GRID1: variants seen among roughly 807,000 people sequenced by gnomAD.
GRID1 encodes the protein glutamate ionotropic receptor delta type subunit 1.
GRID1 carries 28 observed loss-of-function variants against 98.0 expected under a neutral mutation model. The observed-to-expected ratio is 0.29, with a 90% confidence interval of 0.21 to 0.39. The LOEUF is 0.39. Among genes scored for constraint, GRID1 ranks in the 10% least tolerant of loss-of-function variants. The pLI is 1.00. For synonymous variants in GRID1, 553 were observed against 538.5 expected, an observed-to-expected ratio of 1.03 and a Z score of -0.37; for missense variants, 1,111 against 1,340.5, an observed-to-expected ratio of 0.83 and a Z score of 2.67.
At chr10:86,341,688 G>A (rs1202082332) in intron 2 of GRID1, among the ~76,000 whole-genome samples, 1 of 152,174 alleles carries the variant, frequency 6.6e-6, no homozygotes, top group African/African-American at 2.4e-5. Context: ...TTACATCTGC[G>A]GAGTTGGTGC....
chr10:85,955,262 C>A (rs2153829), intron 4 of GRID1, among the ~76,000 whole-genome samples: 5 of 152,040 alleles, frequency 3.3e-5, no homozygotes, highest in Non-Finnish European at 7.4e-5. Context: ...GAGTCCCAGC[C>A]CTTAGGGTCA....
chr10:86,239,692 G>T (rs1846596988), intron 2 of GRID1, among the ~76,000 whole-genome samples: 1 of 152,142 alleles, frequency 6.6e-6, no homozygotes, highest in Non-Finnish European at 1.5e-5. Flanking sequence ...ACCTGCTCTT[G>T]CTCTCTTCTC....
At chr10:85,755,231 A>T (rs1842085450) in intron 8 of GRID1, among the ~76,000 whole-genome samples, 2 of 152,210 alleles carry the variant, frequency 1.3e-5, no homozygotes, top group African/African-American at 4.8e-5. Context: ...AACCACCCCC[A>T]AACCTAATGG....
At chr10:86,302,919 G>T (rs1847710159) in intron 2 of GRID1, among the ~76,000 whole-genome samples, 1 of 152,222 alleles carries the variant, frequency 6.6e-6, no homozygotes, top group Non-Finnish European at 1.5e-5. Flanking sequence ...ATCTCCAGGT[G>T]ATCTGTGTGC....
chr10:86,252,524 G>A (rs1455467226), intron 2 of GRID1, among the ~76,000 whole-genome samples: 1 of 152,188 alleles, frequency 6.6e-6, no homozygotes, highest in Non-Finnish European at 1.5e-5. Flanking sequence ...AAATAAATAC[G>A]TGGTTTGACA....
chr10:86,202,418 C>G (rs1845967352), intron 3 of GRID1, among the ~76,000 whole-genome samples: 1 of 152,166 alleles, frequency 6.6e-6, no homozygotes, highest in Non-Finnish European at 1.5e-5. Flanking sequence ...GCTACTAGCA[C>G]CCCCCTCCCA....
intron 2 of GRID1, among the ~76,000 whole-genome samples, chr10:86,298,402 C>T (rs61856586): frequency 0.066 from 10,059 of 152,212 alleles, 600 homozygotes; most frequent in African/African-American, 0.16. Flanking sequence ...AATGTAATAG[C>T]ATTTTTGTGT....
At chr10:85,612,892 C>G (rs1842749543) in intron 15 of GRID1, 1 of 152,858 alleles carries the variant, frequency 6.5e-6, no homozygotes, top group Admixed American at 6.5e-5. Flanking sequence ...GCTGGGTGCA[C>G]CCAGGAGGGA....
intron 4 of GRID1, among the ~76,000 whole-genome samples, chr10:86,104,170 G>A (rs144754501): frequency 0.012 from 1,821 of 152,250 alleles, 38 homozygotes; most frequent in African/African-American, 0.042. Context: ...GGAGACATAC[G>A]GACCAGGGTT....
chr10:85,788,901 G>T (rs373288588), intron 8 of GRID1, among the ~76,000 whole-genome samples: 1 of 152,204 alleles, frequency 6.6e-6, no homozygotes, highest in East Asian at 1.9e-4. Flanking sequence ...AGAACTCGGG[G>T]TCAGTGGGAG....
intron 8 of GRID1, among the ~76,000 whole-genome samples, chr10:85,802,193 A>C (rs1051393007): frequency 6.6e-6 from 1 of 152,160 alleles, no homozygotes; most frequent in African/African-American, 2.4e-5. Flanking sequence ...CAGCCAAAGA[A>C]ATGCTAATCA....
chr10:86,123,119 C>T (rs1054785101), intron 4 of GRID1, among the ~76,000 whole-genome samples: 6 of 152,312 alleles, frequency 3.9e-5, no homozygotes, highest in South Asian at 4.1e-4. Flanking sequence ...CTGACTACTC[C>T]GCCCCAACAC....
At chr10:85,678,613 C>G (rs1590186528) in intron 12 of GRID1, among the ~76,000 whole-genome samples, 2 of 152,148 alleles carry the variant, frequency 1.3e-5, no homozygotes, top group African/African-American at 4.8e-5. Context: ...TTCATTTTCT[C>G]TAGTCTCCTT....
intron 4 of GRID1, among the ~76,000 whole-genome samples, chr10:85,977,446 C>T (rs1226870923): frequency 6.6e-6 from 1 of 152,186 alleles, no homozygotes; most frequent in East Asian, 1.9e-4. Flanking sequence ...AATACCATGC[C>T]AGCCACACAA....
At position 85,850,323 on chromosome 10, in the gene GRID1, G is replaced by C. The variant is rs548875433; in HGVS notation, c.1233+4173C>G. ...TAGTGCTCCTATCCAGGCAAGTCAT[G>C]CTTGTGGAGGAAAAAAAAGACAACC... On this transcript the variant is annotated intron_variant, in intron 8 of 15. Coordinates refer to ENST00000327946, the MANE Select transcript of GRID1 (RefSeq NM_017551.3). 1.3e-4 allele frequency among the ~76,000 whole-genome samples: 20 copies of C among 152,312 alleles called. No homozygotes were observed. In the South Asian group the frequency reaches 3.9e-3, roughly 30 times the overall value.
intron 2 of GRID1, among the ~76,000 whole-genome samples, chr10:86,239,760 C>T (rs543807514): frequency 2.6e-5 from 4 of 152,192 alleles, no homozygotes; most frequent in Non-Finnish European, 5.9e-5. Context: ...CACGATTGTA[C>T]GTTTTCAGAG....
chr10:86,150,571 C>T lies in GRID1; in HGVS notation c.521-11547G>A, dbSNP rs1845150608. ...CTGATGCCTTTGGATTTTGTTAATG[C>T]CACAGCCAGATGACATCTCTCCATG... On this transcript the variant is annotated intron_variant, in intron 3 of 15. Coordinates refer to ENST00000327946, the MANE Select transcript of GRID1 (RefSeq NM_017551.3). 2.6e-5 allele frequency among the ~76,000 whole-genome samples: 4 copies of T among 152,182 alleles called. No homozygotes were observed. In the South Asian group the frequency reaches 8.3e-4, roughly 32 times the overall value.
At chr10:86,172,730 G>A (rs1000070675) in intron 3 of GRID1, among the ~76,000 whole-genome samples, 5 of 151,954 alleles carry the variant, frequency 3.3e-5, no homozygotes, top group South Asian at 4.2e-4. Context: ...CTCTCTAGCC[G>A]GCAAGTGATA....
chr10:86,101,997 T>A (rs961760092), intron 4 of GRID1, among the ~76,000 whole-genome samples: 4 of 152,212 alleles, frequency 2.6e-5, no homozygotes, highest in African/African-American at 9.6e-5. Flanking sequence ...AAAGCCGCTA[T>A]AAGCATTCAC....
Sources: gnomAD v4.1 joint callset for allele counts (sites outside exome capture counted in the v4.1 genomes callset) on GRCh38, gnomAD v4.1.1 for gene constraint, MANE v1.5 for transcripts, NCBI Gene and HGNC (gene_info 2026-07-23, HGNC 2026-07-21) for gene names.